Variants in GABRG1 observed in about 807,000 individuals in gnomAD.
GABRG1 encodes gamma-aminobutyric acid type A receptor subunit gamma1.
Under a neutral mutation model 49.8 loss-of-function variants are expected in GABRG1, and 49 were observed. That is an observed-to-expected ratio of 0.98 (90% CI 0.78 to 1.25). GABRG1 has a LOEUF of 1.25. Ranked by LOEUF, GABRG1 falls within the 50% of genes most tolerant of loss-of-function variation. The pLI, the probability that GABRG1 is intolerant of heterozygous loss-of-function variation, is 0.00. For synonymous variants in GABRG1, 232 were observed against 185.1 expected (o/e 1.25, Z -2.06); for missense variants, 552 against 552.3 (o/e 1.00, Z 0.01).
chr4:46,117,825 C>T (rs1720963988), intron 1 of GABRG1, among the ~76,000 whole-genome samples: 2 of 113,650 alleles, frequency 1.8e-5, no homozygotes, highest in African/African-American at 8.2e-5. Context: ...TATCTATATA[C>T]ATATATACAT....
rs202100771 is a variant in GABRG1 at position 46,097,196 on chromosome 4, C to T, written c.253+5G>A. On this transcript the variant is annotated splice_donor_5th_base_variant and intron_variant, in intron 2 of 8. Coordinates refer to ENST00000295452, the MANE Select transcript of GABRG1 (RefSeq NM_173536.4). ...CAAAATCCCAGAATGGTAACTCAAG[C>T]TTACCTCCTATATCTGGACGAAGTT... 6.3e-7 allele frequency: 1 copy of T among 1,597,700 alleles called. No homozygotes were observed. Among genetic ancestry groups the T allele is most frequent in the African/African-American group, 1.4e-5 (1 of 73,768 alleles).
intron 7 of GABRG1, among the ~76,000 whole-genome samples, chr4:46,053,874 C>T (rs1195237170): frequency 1.3e-5 from 2 of 151,734 alleles, no homozygotes; most frequent in East Asian, 1.9e-4. Context: ...TTTCTGAGTC[C>T]GTGATAATAA....
intron 1 of GABRG1, among the ~76,000 whole-genome samples, chr4:46,120,888 A>G (rs376406625): frequency 6.6e-6 from 1 of 151,764 alleles, no homozygotes; most frequent in East Asian, 1.9e-4. Context: ...GGTAACAGCT[A>G]AAATATCTTT....
chr4:46,045,536 GA>G (rs1441032037), intron 8 of GABRG1, among the ~76,000 whole-genome samples: 1 of 150,800 alleles, frequency 6.6e-6, no homozygotes, highest in East Asian at 2.0e-4. Context: ...ACAAAACACA[GA>G]AAATGTACGA....
At chr4:46,061,334 A>G (rs1441650717) in intron 5 of GABRG1, among the ~76,000 whole-genome samples, 3 of 152,054 alleles carry the variant, frequency 2.0e-5, no homozygotes, top group Admixed American at 2.0e-4. Context: ...AAATTCAAGA[A>G]TATCATTAAT....
intron 1 of GABRG1, among the ~76,000 whole-genome samples, chr4:46,113,630 AAG>A (rs1288933469): frequency 6.6e-6 from 1 of 151,192 alleles, no homozygotes; most frequent in East Asian, 2.0e-4. Context: ...TTTGGACAAA[AAG>A]ATAATTTTAT....
At chr4:46,091,019 T>C (rs1206763695) in intron 2 of GABRG1, among the ~76,000 whole-genome samples, 5 of 150,680 alleles carry the variant, frequency 3.3e-5, no homozygotes, top group Admixed American at 3.3e-4. Context: ...ACATTCTACA[T>C]GGGATTTCCC....
At chr4:46,064,918 A>G (rs1487735161) in intron 4 of GABRG1, among the ~76,000 whole-genome samples, 3 of 152,172 alleles carry the variant, frequency 2.0e-5, no homozygotes, top group Non-Finnish European at 4.4e-5. Context: ...ATGGTTCTTA[A>G]TAAGCAGATA....
intron 2 of GABRG1, among the ~76,000 whole-genome samples, chr4:46,094,888 A>T (rs970489254): frequency 3.9e-5 from 6 of 151,988 alleles, no homozygotes; most frequent in Admixed American, 3.9e-4. Flanking sequence ...AGATACGAAG[A>T]TCCAATACAA....
chr4:46,109,896 C>A (rs1054095080), intron 1 of GABRG1, among the ~76,000 whole-genome samples: 3 of 150,922 alleles, frequency 2.0e-5, no homozygotes, highest in Admixed American at 6.6e-5. Flanking sequence ...ATGATTTTGA[C>A]CTTTTTGAAT....
intron 8 of GABRG1, among the ~76,000 whole-genome samples, chr4:46,042,030 A>G (rs1212793606): frequency 6.6e-6 from 1 of 152,062 alleles, no homozygotes; most frequent in Non-Finnish European, 1.5e-5. Flanking sequence ...TTAAATAATT[A>G]AAAAGTGAAA....
intron 1 of GABRG1, among the ~76,000 whole-genome samples, chr4:46,103,710 T>C (rs16859084): frequency 0.081 from 12,282 of 151,372 alleles, 964 homozygotes; most frequent in African/African-American, 0.2. Context: ...CATTTGAATG[T>C]CATTGACTAG....
intron 5 of GABRG1, among the ~76,000 whole-genome samples, chr4:46,062,549 C>T (rs934501846): frequency 4.6e-5 from 7 of 152,136 alleles, no homozygotes; most frequent in Non-Finnish European, 1.0e-4. Context: ...TGTTTCCTGA[C>T]TTTTTAATGA....
At chr4:46,042,506 T>C (rs1717824156) in intron 8 of GABRG1, among the ~76,000 whole-genome samples, 2 of 151,998 alleles carry the variant, frequency 1.3e-5, no homozygotes, top group African/African-American at 4.8e-5. Context: ...AGCGCCAATT[T>C]TATAAAAATT....
chr4:46,060,758 G>A (rs1195576739), intron 5 of GABRG1, among the ~76,000 whole-genome samples: 1 of 151,840 alleles, frequency 6.6e-6, no homozygotes, highest in Non-Finnish European at 1.5e-5. Flanking sequence ...GCTCTCTAGG[G>A]TTGTAGCCAT....
chr4:46,101,647 G>T (rs1046748741), intron 1 of GABRG1, among the ~76,000 whole-genome samples: 7 of 151,514 alleles, frequency 4.6e-5, no homozygotes, highest in African/African-American at 1.5e-4. Context: ...TCTAATAAAG[G>T]AGAAAACATT....
intron 1 of GABRG1, among the ~76,000 whole-genome samples, chr4:46,103,953 A>C (rs147522022): frequency 6.6e-6 from 1 of 151,522 alleles, no homozygotes; most frequent in African/African-American, 2.4e-5. Flanking sequence ...AATCTCTACC[A>C]AAGTTCTATA....
At position 46,058,495 on chromosome 4, in the gene GABRG1, G is replaced by A. The variant is rs1297688717; in HGVS notation, c.753C>T (p.His251=). Reference sequence around the variant, plus strand: ...GAGTATTCTTTTTACCAGAGATCGTGTGAGTGATTTCAGTTGAGTTCCGTA... The same window carrying A: ...GAGTATTCTTTTTACCAGAGATCGTATGAGTGATTTCAGTTGAGTTCCGTA... ...VGLRNSTEIT[H]TISGDYVIMT... The change falls in exon 6 of 9, where the codon CAC becomes CAT. Residue 251 remains histidine (H), a synonymous_variant. Transcript: ENST00000295452. 1 of 1,612,698 alleles carries A rather than the reference G, an allele frequency of 6.2e-7. No individual in the cohort carries two copies. Among genetic ancestry groups the A allele is most frequent in the Non-Finnish European group, 8.5e-7 (1 of 1,179,414 alleles).
chr4:46,058,489 G>C lies in GABRG1; in HGVS notation c.759C>G (p.Ile253Met). 2 of 1,612,404 alleles carry C rather than the reference G, an allele frequency of 1.2e-6. No individual in the cohort carries two copies. The highest frequency in any genetic ancestry group is 1.7e-6 in the Non-Finnish European group (2 of 1,179,254). ...LRNSTEITHT[I>M]SGDYVIMTIF... ...CTATTTGAGTATTCTTTTTACCAGA[G>C]ATCGTGTGAGTGATTTCAGTTGAGT... Residue 253 changes from isoleucine (I) to methionine (M), a missense_variant, in exon 6 of 9, where the codon ATC becomes ATG. Transcript: ENST00000295452.
Sources: gnomAD v4.1 joint callset for allele counts (sites outside exome capture counted in the v4.1 genomes callset) on GRCh38, gnomAD v4.1.1 for gene constraint, MANE v1.5 for transcripts, NCBI Gene and HGNC (gene_info 2026-07-23, HGNC 2026-07-21) for gene names.